The following RNF213 variants were observed in gnomAD, a reference collection of about 807,000 sequenced individuals.
RNF213 encodes the protein ring finger protein 213.
In RNF213, 341 loss-of-function variants were observed where a neutral mutation model predicts 514.4. The observed-to-expected ratio is 0.66, with a 90% CI of 0.61 to 0.73. RNF213 has a LOEUF of 0.73. Ranked by LOEUF, RNF213 falls within the 30% of genes least tolerant of loss-of-function variation. RNF213 has a pLI of 0.00. For synonymous variants in RNF213, 2,655 were observed against 2,658.2 expected, an observed-to-expected ratio of 1.00 and a Z score of 0.04; for missense variants, 5,767 against 6,615.6, an observed-to-expected ratio of 0.87 and a Z score of 4.45.
chr17:80,278,419 C>T (rs1832919287), intron 3 of RNF213, among the ~76,000 whole-genome samples: 1 of 152,242 alleles, frequency 6.6e-6, no homozygotes, highest in Non-Finnish European at 1.5e-5. Context: ...CAAGCCAAGG[C>T]ATTCGTGTGG....
At chr17:80,340,542 A>G (rs905452855) in intron 26 of RNF213, 186 bp downstream of exon 26, 6 of 585,488 alleles carry the variant, frequency 1.0e-5, no homozygotes, top group East Asian at 5.9e-5. Context: ...GTCTCCCACA[A>G]TGGGTATTCC....
Position 80,381,580 on chromosome 17 carries a change from G to T in RNF213, c.13831G>T (p.Asp4611Tyr). 4 of 1,614,174 alleles carry T rather than the reference G, an allele frequency of 2.5e-6. No individual in the cohort carries two copies. Among genetic ancestry groups the T allele is most frequent in the Non-Finnish European group, 3.4e-6 (4 of 1,180,026 alleles). The change falls in exon 57 of 68, where the codon GAT (aspartate) becomes TAT (tyrosine). Residue 4611 changes from aspartate (D) to tyrosine (Y), a missense_variant. Asp to Tyr is a radical substitution (Grantham distance 160). Coordinates refer to ENST00000582970, the MANE Select transcript of RNF213 (RefSeq NM_001256071.3). ...AAACATCATTAAGCCTCCAGTGAGG[G>T]ATCCAAAAGGCTTTCTGCAGCAGCA... ...LINIIKPPVR[D>Y]PKGFLQQHIL... is the part of the protein sequence containing the mutation.
At position 80,350,254 on chromosome 17, in the gene RNF213, T is replaced by A. The variant is rs754283425; in HGVS notation, c.10089-47T>A. The A allele has an allele frequency of 1.4e-5, 17 of 1,219,334 alleles. No homozygotes were observed. In the Admixed American group the frequency reaches 2.9e-4, roughly 21 times the overall value. The allele number at this position is 1,219,334 out of a possible 1,614,324, so 75.5% of individuals were successfully genotyped here. ...CACTTTGGGGAATTTTCTTTTCCAT[T>A]TTTTTAAGACAGAGAACTCACTTGA... On this transcript the variant is annotated intron_variant, in intron 30 of 67. Transcript: ENST00000582970.
In RNF213 at chr17:80,288,156, A is replaced by G; in HGVS notation, c.603A>G (p.Glu201=). 2 of 1,610,858 alleles carry G rather than the reference A, an allele frequency of 1.2e-6. No individual in the cohort carries two copies. Among genetic ancestry groups the G allele is most frequent in the Non-Finnish European group, 1.7e-6 (2 of 1,178,060 alleles). Residue 201 remains glutamate, a synonymous_variant, in exon 4 of 68, where the codon GAA becomes GAG. Transcript: ENST00000582970. This position sits in a 1 kb window ranked among gnomAD's most constrained non-coding sequence, Gnocchi z 4.9. Reference sequence around the variant, plus strand: ...GCCCGCAATTCCAGGACCACACGGAAGGGGAGGACCAGGACGCTTCCATCC... The same window carrying G: ...GCCCGCAATTCCAGGACCACACGGAGGGGGAGGACCAGGACGCTTCCATCC... ...QSSPQFQDHT[E]GEDQDASIPS... is the part of the protein sequence containing the mutation.
At chr17:80,268,378 AAGG>A (rs1193090874) in intron 2 of RNF213, among the ~76,000 whole-genome samples, 8 of 102,552 alleles carry the variant, frequency 7.8e-5, no homozygotes, top group Non-Finnish European at 1.6e-4. Context: ...AAAAAAAAAA[AAGG>A]CAGTACTGCA....
chr17:80,321,848 C>T (rs1432092829), intron 17 of RNF213, among the ~76,000 whole-genome samples: 3 of 152,144 alleles, frequency 2.0e-5, no homozygotes, highest in Non-Finnish European at 4.4e-5. Flanking sequence ...GCCTCAGTCT[C>T]TCGAGTAGCT....
At chr17:80,374,392 C>A (rs956719725) in intron 49 of RNF213, 66 bp from the exon 50 acceptor site, 2 of 1,603,374 alleles carry the variant, frequency 1.2e-6, no homozygotes, top group East Asian at 2.2e-5. Flanking sequence ...TTCCTGTACC[C>A]GTTCAGACGG....
At position 80,347,128 on chromosome 17, in the gene RNF213, C is replaced by T. The variant is rs1417685123; in HGVS notation, c.8793C>T (p.Tyr2931=). Reference sequence around the variant, plus strand: ...TCGTCCAGGACCGAGTCCAAGGGTACTTTGCGTCCTTTGCCAAAGCCTACG... The same window carrying T: ...TCGTCCAGGACCGAGTCCAAGGGTATTTTGCGTCCTTTGCCAAAGCCTACG... The part of the protein sequence containing the change: ...DILVQDRVQG[Y]FASFAKAYET... The change falls in exon 29 of 68, where the codon TAC becomes TAT. Residue 2931 remains tyrosine, a synonymous_variant. Transcript: ENST00000582970. This position sits in a 1 kb window ranked among gnomAD's most constrained non-coding sequence, Gnocchi z 7.2. The T allele has an allele frequency of 1.2e-6, 2 of 1,614,082 alleles. No individual in the cohort carries two copies. Among genetic ancestry groups the T allele is most frequent in the Non-Finnish European group, 8.5e-7 (1 of 1,180,042 alleles).
rs766396053 is a variant in RNF213, at chr17:80,273,395, C to T, written c.252C>T (p.Thr84=). The T allele has an allele frequency of 2.2e-5, 35 of 1,612,568 alleles. No homozygotes were observed. Among genetic ancestry groups the T allele is most frequent in the East Asian group, 4.5e-5 (2 of 44,858 alleles). ...AGCCCTGTTCCAAAGCCTCCTGGACCGTCCAAGAAGTGAGTGCACTGCCTC... is the reference window on the plus strand; with the variant it reads ...AGCCCTGTTCCAAAGCCTCCTGGACTGTCCAAGAAGTGAGTGCACTGCCTC... ...PEEPCSKASW[T]VQESKKKKRK... is the part of the protein sequence containing the mutation. Residue 84 remains threonine, a synonymous_variant, in exon 3 of 68, where the codon ACC becomes ACT. Transcript: ENST00000582970.
intron 3 of RNF213, among the ~76,000 whole-genome samples, chr17:80,277,649 A>T (rs915618879): frequency 3.3e-5 from 5 of 151,584 alleles, no homozygotes; most frequent in Middle Eastern, 3.4e-3. Flanking sequence ...CACATGAGAG[A>T]AGTTCAGAGT....
rs61359568 is a variant in RNF213, at chr17:80,325,126, G to A, written c.3121G>A (p.Ala1041Thr). ...GATCACTAAGTCCTGGCCTAGGACC[G>A]CGGACAACTTCGATGACATTTTAAA... ...AVITKSWPRT[A>T]DNFDDILKHL... is the part of the protein sequence containing the mutation. Residue 1041 changes from alanine to threonine, a missense_variant, in exon 18 of 68, where the codon GCG becomes ACG. Coordinates refer to ENST00000582970, the MANE Select transcript of RNF213 (RefSeq NM_001256071.3). The A allele has an allele frequency of 0.044, 66,915 of 1,536,758 alleles. 1,625 individuals are homozygous for A. The highest frequency in any genetic ancestry group is 0.076 in the Middle Eastern group (456 of 5,990).
chr17:80,361,698 C>T (rs772883881), intron 38 of RNF213, 36 bp from the exon 39 acceptor site: 15 of 1,609,288 alleles, frequency 9.3e-6, no homozygotes, highest in South Asian at 7.7e-5. Flanking sequence ...ATGACTTAGA[C>T]GCACTCCAGG....
chr17:80,347,247 A>G lies in RNF213; in HGVS notation c.8912A>G (p.Asn2971Ser). 3 of 1,613,426 alleles carry G rather than the reference A, an allele frequency of 1.9e-6. No individual in the cohort carries two copies. The highest frequency in any genetic ancestry group is 2.5e-6 in the Non-Finnish European group (3 of 1,179,762). ...GTCTTTGCTGCAGCAAAGGCTTCAA[A>G]TAGAAAGCCTTCCCCGCAAGACATT... ...KMVFAAAKAS[N>S]RKPSPQDIAQ... is the part of the protein sequence containing the mutation. Residue 2971 changes from asparagine (N) to serine (S), a missense_variant, in exon 29 of 68, where the codon AAT (asparagine) becomes AGT (serine). Around this residue, in one of 13 missense-constraint regions of RNF213, gnomAD observed 919 missense variants for 1,121.0 expected, o/e 0.82. Coordinates refer to ENST00000582970, the MANE Select transcript of RNF213 (RefSeq NM_001256071.3). This position sits in a 1 kb window ranked among gnomAD's most constrained non-coding sequence, Gnocchi z 7.2.
chr17:80,267,123 A>G (rs1567988057), intron 2 of RNF213, among the ~76,000 whole-genome samples: 2 of 151,952 alleles, frequency 1.3e-5, no homozygotes, highest in Non-Finnish European at 2.9e-5. Context: ...AGGCTGAGGC[A>G]CAAGAATTGC....
Position 80,346,265 on chromosome 17 carries a change from T to C in RNF213, c.7930T>C (p.Cys2644Arg), listed in dbSNP as rs2078307437. The change falls in exon 29 of 68, where the codon TGT (cysteine) becomes CGT (arginine). Residue 2644 changes from cysteine (C) to arginine (R), a missense_variant. This residue lies in a region of RNF213 where 1,377 missense variants were observed against 1,635.2 expected (regional missense o/e 0.84). Transcript: ENST00000582970. The surrounding 1 kb of genome is among the most constrained non-coding windows in gnomAD (Gnocchi z 8.1). ...SFVSLRDVERCVKVFRWFHEH... is the reference protein window; with the variant it reads ...SFVSLRDVERRVKVFRWFHEH... ...TGTCAGCCTCAGGGACGTGGAGCGC[T>C]GTGTGAAAGTTTTCAGGTGGTTCCA... 2 of 1,614,152 alleles carry C rather than the reference T, an allele frequency of 1.2e-6. No individual in the cohort carries two copies. The highest frequency in any genetic ancestry group is 1.7e-6 in the Non-Finnish European group (2 of 1,180,032).
Position 80,353,797 on chromosome 17 carries a change from T to C in RNF213, c.10578+131T>C, listed in dbSNP as rs2144234233. ...CAGGGGTGAGGATGGCGCCCCACTT[T>C]CCTCACACAGTGACGGTCTTGTTGC... On this transcript the variant is annotated intron_variant, in intron 34 of 67. Coordinates refer to ENST00000582970, the MANE Select transcript of RNF213 (RefSeq NM_001256071.3). This position sits in a 1 kb window ranked among gnomAD's most constrained non-coding sequence, Gnocchi z 5.0. The C allele has an allele frequency of 1.5e-6, 2 of 1,327,250 alleles. No homozygotes were observed. Among genetic ancestry groups the C allele is most frequent in the South Asian group, 1.2e-5 (1 of 82,454 alleles). The allele number at this position is 1,327,250 out of a possible 1,614,324, so 82.2% of individuals were successfully genotyped here.
intron 18 of RNF213, 67 bp from the exon 19 acceptor site, chr17:80,327,749 C>T: frequency 2.2e-6 from 3 of 1,374,132 alleles, no homozygotes; most frequent in Non-Finnish European, 2.9e-6. Context: ...CTGGAATTCC[C>T]ACGGTAACGG....
At chr17:80,275,352 G>A (rs961287238) in intron 3 of RNF213, among the ~76,000 whole-genome samples, 1 of 151,956 alleles carries the variant, frequency 6.6e-6, no homozygotes, top group African/African-American at 2.4e-5. Flanking sequence ...GTGGGAAAGT[G>A]GCAGTACGGA....
At chr17:80,274,426 G>C (rs1723569348) in intron 3 of RNF213, among the ~76,000 whole-genome samples, 1 of 149,458 alleles carries the variant, frequency 6.7e-6, no homozygotes, top group Non-Finnish European at 1.5e-5. Context: ...GGAAGACCCA[G>C]AGGGCAGTGT....
Sources: allele counts gnomAD v4.1 joint callset (sites outside exome capture counted in the v4.1 genomes callset), GRCh38; gene constraint gnomAD v4.1.1; regional missense constraint gnomAD v4.1.1; non-coding constraint Gnocchi (gnomAD v3.1); transcripts MANE v1.5; gene names NCBI Gene and HGNC (gene_info 2026-07-23, HGNC 2026-07-21).